SMAD1: variants seen among roughly 807,000 people sequenced by gnomAD.
SMAD1 encodes the protein SMAD family member 1.
In SMAD1, 6 loss-of-function variants were observed where a neutral mutation model predicts 41.6. The observed-to-expected ratio is 0.14, with a 90% CI of 0.08 to 0.28. SMAD1 has a LOEUF of 0.28. Ranked by LOEUF, SMAD1 falls within the 10% of genes least tolerant of loss-of-function variation. The pLI is 1.00. For synonymous variants in SMAD1, 206 were observed against 203.2 expected (o/e 1.01, Z -0.12); for missense variants, 379 against 582.6 (o/e 0.65, Z 3.60).
intron 1 of SMAD1, among the ~76,000 whole-genome samples, chr4:145,492,238 A>G (rs1276732467): frequency 1.3e-5 from 2 of 152,072 alleles, no homozygotes. Flanking sequence ...TTTTGACTCT[A>G]CCTGGAGATA....
At position 145,516,968 on chromosome 4, in the gene SMAD1, A is replaced by G. The variant is rs1730438802; in HGVS notation, c.400+1955A>G. 2 of 152,334 alleles carry G rather than the reference A, an allele frequency of 1.3e-5. 1 individual carries two copies. Among genetic ancestry groups the G allele is most frequent in the South Asian group, 4.1e-4 (2 of 4,830 alleles). The allele number at this position is 152,334 out of a possible 1,614,324, so 9.4% of individuals were successfully genotyped here. On this transcript the variant is annotated intron_variant, in intron 2 of 6. Coordinates refer to ENST00000302085, the MANE Select transcript of SMAD1 (RefSeq NM_005900.3). ...CAAAATTCACTATTTAAAAGACACT[A>G]TGAATATGTCTTCTCCATCCATACT...
At chr4:145,546,299 A>G (rs949298597) in intron 4 of SMAD1, 6 of 184,638 alleles carry the variant, frequency 3.2e-5, no homozygotes, top group East Asian at 2.5e-4. Context: ...TCAGTCTTCT[A>G]TTGTTCTCTT....
In SMAD1 at chr4:145,527,224, ATTC is replaced by A. The variant is rs1233409563; in HGVS notation, c.400+12214_400+12216del. Among the ~76,000 whole-genome samples, 13 of 146,240 alleles carry A rather than the reference ATTC, an allele frequency of 8.9e-5. 1 individual carries two copies. The highest frequency in any genetic ancestry group is 8.0e-4 in the Admixed American group (12 of 14,942). On this transcript the variant is annotated intron_variant, in intron 2 of 6. Transcript: ENST00000302085. ...ATCACTTACCATCTATTCTCATTTA[ATTC>A]TTTTTTTTTTTTTTGAGACGGAGTC...
chr4:145,487,324 C>G (rs539852392), intron 1 of SMAD1, among the ~76,000 whole-genome samples: 5 of 152,078 alleles, frequency 3.3e-5, no homozygotes, highest in Non-Finnish European at 5.9e-5. Flanking sequence ...TTGGACAGGT[C>G]TGAGGAGAAA....
At chr4:145,533,478 G>A (rs1202399013) in intron 2 of SMAD1, among the ~76,000 whole-genome samples, 1 of 152,176 alleles carries the variant, frequency 6.6e-6, no homozygotes, top group Non-Finnish European at 1.5e-5. Flanking sequence ...TTGAGACTAG[G>A]AGTTTGAGAC....
At chr4:145,535,519 GT>G (rs1292054291) in intron 2 of SMAD1, among the ~76,000 whole-genome samples, 1 of 152,020 alleles carries the variant, frequency 6.6e-6, no homozygotes, top group African/African-American at 2.4e-5. Context: ...CTAATATGAA[GT>G]TTTTCTCATA....
intron 4 of SMAD1, chr4:145,544,704 C>T (rs1029301119): frequency 4.6e-5 from 7 of 151,838 alleles, no homozygotes; most frequent in African/African-American, 1.5e-4. Context: ...TTTTTATTGC[C>T]TCTGTATTTT....
chr4:145,501,767 A>C (rs1055026344), intron 1 of SMAD1, among the ~76,000 whole-genome samples: 2 of 150,662 alleles, frequency 1.3e-5, no homozygotes, highest in African/African-American at 4.9e-5. Flanking sequence ...ATTAGTCAGT[A>C]CTGGTTTAAA....
intron 2 of SMAD1, among the ~76,000 whole-genome samples, chr4:145,535,734 G>A (rs1235645911): frequency 6.6e-6 from 1 of 152,018 alleles, no homozygotes; most frequent in Admixed American, 6.6e-5. Flanking sequence ...GTGGTAGGGA[G>A]TATATTGTTT....
At chr4:145,520,227 G>A (rs1486127191) in intron 2 of SMAD1, among the ~76,000 whole-genome samples, 1 of 152,172 alleles carries the variant, frequency 6.6e-6, no homozygotes, top group Non-Finnish European at 1.5e-5. Context: ...TATGTCCAAA[G>A]GAGGTCAAAT....
chr4:145,516,239 T>C (rs763560), intron 2 of SMAD1, among the ~76,000 whole-genome samples: 27,848 of 152,120 alleles, frequency 0.18, 5,818 homozygotes, highest in African/African-American at 0.51. Context: ...CATGACAATA[T>C]GTAATATTTT....
chr4:145,520,770 A>C (rs905474971), intron 2 of SMAD1, among the ~76,000 whole-genome samples: 3 of 152,198 alleles, frequency 2.0e-5, no homozygotes, highest in Admixed American at 6.5e-5. Context: ...TACTATCTCT[A>C]TCTCTTTGAC....
intron 2 of SMAD1, among the ~76,000 whole-genome samples, chr4:145,531,158 T>G (rs1731298378): frequency 6.6e-6 from 1 of 152,256 alleles, no homozygotes; most frequent in Admixed American, 6.5e-5. Flanking sequence ...TCATTAAAAT[T>G]TAACCTCTAT....
chr4:145,523,160 CA>C (rs1352545515), intron 2 of SMAD1, among the ~76,000 whole-genome samples: 1 of 152,166 alleles, frequency 6.6e-6, no homozygotes, highest in East Asian at 1.9e-4. Context: ...ATTTAAAGCA[CA>C]TGATAAACTA....
In SMAD1 at chr4:145,553,722, A is replaced by C. The variant is rs373101956; in HGVS notation, c.998-62A>C. 45 of 1,443,382 alleles carry C rather than the reference A, an allele frequency of 3.1e-5. No homozygotes were observed. In the African/African-American group the frequency reaches 4.4e-4, roughly 14 times the overall value. The allele number at this position is 1,443,382 out of a possible 1,614,324, so 89.4% of individuals were successfully genotyped here. A position where few individuals can be genotyped will look rare whatever the true frequency, so the allele number is the denominator to read the frequency against. On this transcript the variant is annotated intron_variant, in intron 5 of 6. Transcript: ENST00000302085. ...ATTTAAGTTTCTGTGTTGAAGCTGCACAGGTGCCTTTGAGCTGTAAAAATT... is the reference window on the plus strand; with the variant it reads ...ATTTAAGTTTCTGTGTTGAAGCTGCCCAGGTGCCTTTGAGCTGTAAAAATT...
chr4:145,510,639 A>G (rs1730025543), intron 1 of SMAD1, among the ~76,000 whole-genome samples: 1 of 152,180 alleles, frequency 6.6e-6, no homozygotes, highest in African/African-American at 2.4e-5. Flanking sequence ...TATTCATTAT[A>G]TGGTCAATTT....
At chr4:145,490,215 T>G (rs1384484295) in intron 1 of SMAD1, among the ~76,000 whole-genome samples, 1 of 151,120 alleles carries the variant, frequency 6.6e-6, no homozygotes, top group Non-Finnish European at 1.5e-5. Flanking sequence ...GAGTTAGCCA[T>G]CTGGAGCACA....
At chr4:145,512,674 G>A (rs1730149305) in intron 1 of SMAD1, among the ~76,000 whole-genome samples, 1 of 152,090 alleles carries the variant, frequency 6.6e-6, no homozygotes, top group Admixed American at 6.5e-5. Flanking sequence ...TTTAAAGTCT[G>A]TTTCTGGTAA....
At chr4:145,550,445 G>A (rs745971006) in intron 5 of SMAD1, among the ~76,000 whole-genome samples, 4 of 152,040 alleles carry the variant, frequency 2.6e-5, no homozygotes, top group African/African-American at 4.8e-5. Flanking sequence ...TTTGAGAGGC[G>A]GAGGTTGCAA....
Sources: allele counts gnomAD v4.1 joint callset (sites outside exome capture counted in the v4.1 genomes callset), GRCh38; gene constraint gnomAD v4.1.1; transcripts MANE v1.5; gene names NCBI Gene and HGNC (gene_info 2026-07-23, HGNC 2026-07-21).